Variants in C5 observed in about 807,000 individuals in gnomAD.
The protein encoded by C5 is complement C5.
C5 carries 140 observed loss-of-function variants against 218.8 expected under a neutral mutation model. That is an observed-to-expected ratio of 0.64 (90% CI 0.56 to 0.74). C5 has a LOEUF of 0.74. Among genes scored for constraint, C5 ranks in the 30% least tolerant of loss-of-function variants. C5 has a pLI of 0.00. For synonymous variants in C5, 614 were observed against 682.3 expected (o/e 0.90, Z 1.56); for missense variants, 1,700 against 1,969.6 (o/e 0.86, Z 2.59).
chr9:120,960,242 A>C lies in C5; in HGVS notation c.4678+6T>G. On this transcript the variant is annotated splice_donor_region_variant and intron_variant, in intron 38 of 40. Transcript: ENST00000223642. ...TAAAGGAGCTATATTGAACTTTTGA[A>C]CTCACCATATGCAATCTCTGGTTTA... The C allele has an allele frequency of 6.3e-7, 1 of 1,592,748 alleles. No homozygotes were observed. The highest frequency in any genetic ancestry group is 8.6e-7 in the Non-Finnish European group (1 of 1,161,080).
intron 20 of C5, among the ~76,000 whole-genome samples, chr9:121,003,421 T>C (rs943179424): frequency 6.6e-6 from 1 of 152,218 alleles, no homozygotes; most frequent in African/African-American, 2.4e-5. Flanking sequence ...TGTTACCTGA[T>C]GAAACAAGTT....
At chr9:121,070,798 G>A in the C5 span, among the ~76,000 whole-genome samples, 1 of 151,972 alleles carries the variant, frequency 6.6e-6, no homozygotes, top group Admixed American at 6.6e-5. Flanking sequence ...GGAGCAATAA[G>A]TTCTAGTGTT....
intron 7 of C5, among the ~76,000 whole-genome samples, chr9:121,029,074 T>C (rs1381330253): frequency 2.0e-5 from 3 of 152,202 alleles, no homozygotes; most frequent in African/African-American, 7.2e-5. Flanking sequence ...ATGAGATCTA[T>C]TCATAAAAAA....
the C5 span, among the ~76,000 whole-genome samples, chr9:121,065,478 T>C: frequency 1.3e-5 from 2 of 152,228 alleles, no homozygotes; most frequent in Non-Finnish European, 2.9e-5. Flanking sequence ...TTGTTTTGTT[T>C]TGAGACAGCT....
intron 4 of C5, 41 bp downstream of exon 4, chr9:121,037,840 A>C: frequency 1.1e-6 from 1 of 882,274 alleles, no homozygotes; most frequent in Non-Finnish European, 1.8e-6. Flanking sequence ...CTTGTCCTGA[A>C]AAATGAATTA....
At chr9:121,057,672 A>G in the C5 span, among the ~76,000 whole-genome samples, 35 of 152,244 alleles carry the variant, frequency 2.3e-4, no homozygotes, top group African/African-American at 8.4e-4. Flanking sequence ...ACTACTAGAG[A>G]AAATCACTTT....
At chr9:120,975,889 A>G (rs1448588711) in intron 29 of C5, among the ~76,000 whole-genome samples, 3 of 152,200 alleles carry the variant, frequency 2.0e-5, no homozygotes, top group Non-Finnish European at 4.4e-5. Context: ...AATAAACTTT[A>G]TCTTTCTGGA....
At chr9:121,070,193 A>C in the C5 span, among the ~76,000 whole-genome samples, 1 of 151,848 alleles carries the variant, frequency 6.6e-6, no homozygotes, top group East Asian at 1.9e-4. Context: ...CCCCATCTCT[A>C]CTAAAAATAC....
chr9:120,971,361 A>G (rs752740805), intron 31 of C5, among the ~76,000 whole-genome samples: 6 of 151,712 alleles, frequency 4.0e-5, no homozygotes, highest in Non-Finnish European at 8.8e-5. Context: ...GCGTATACAC[A>G]TATATAATCA....
At position 120,962,737 on chromosome 9, in the gene C5, A is replaced by C. The variant is rs1197587758; in HGVS notation, c.4438T>G (p.Phe1480Val). ...SDFLCVRFRI[F>V]ELFEVGFLSP... is the part of the protein sequence containing the mutation. ...AGAAACCCAACTTCAAAGAGTTCAA[A>C]TATCCGGAATCGTACACAAAGGAAA... is the stretch of plus-strand genomic sequence containing the variant. The change falls in exon 36 of 41, where the codon TTT becomes GTT. Residue 1480 changes from phenylalanine to valine, a missense_variant. Physicochemically the swap from Phe to Val is conservative, Grantham distance 50. Transcript: ENST00000223642. 6 of 1,614,176 alleles carry C rather than the reference A, an allele frequency of 3.7e-6. No individual in the cohort carries two copies. Among genetic ancestry groups the C allele is most frequent in the Non-Finnish European group, 5.1e-6 (6 of 1,180,004 alleles).
chr9:121,043,877 C>T (rs1389944248), intron 2 of C5, among the ~76,000 whole-genome samples: 1 of 151,942 alleles, frequency 6.6e-6, no homozygotes, highest in Non-Finnish European at 1.5e-5. Context: ...TTAGTATTAC[C>T]TCACATATTT....
rs776260501 is a variant in C5 at position 120,974,919 on chromosome 9, CATTG to C, written c.3873_3876del (p.Ile1291MetfsTer6). On this transcript the variant is annotated frameshift_variant, in exon 30 of 41. Coordinates refer to ENST00000223642, the MANE Select transcript of C5 (RefSeq NM_001735.3). LOFTEE classifies it high-confidence loss of function. ...GAATATTCCGTCAGGCCCTCAATGG[CATTG>C]ATTGTGTCCTGTCAGCAATCAGCAA... 2.5e-6 allele frequency: 4 copies of C among 1,614,060 alleles called. No homozygotes were observed. The highest frequency in any genetic ancestry group is 1.7e-5 in the Admixed American group (1 of 60,004).
chr9:121,030,141 C>T (rs1320392640), intron 7 of C5, among the ~76,000 whole-genome samples: 1 of 152,180 alleles, frequency 6.6e-6, no homozygotes, highest in Admixed American at 6.5e-5. Flanking sequence ...TTTCTAAACA[C>T]ATACACCAAA....
intron 10 of C5, among the ~76,000 whole-genome samples, chr9:121,022,036 A>G (rs1341569360): frequency 6.6e-6 from 1 of 152,204 alleles, no homozygotes; most frequent in African/African-American, 2.4e-5. Flanking sequence ...GCTTATAGAA[A>G]GATTTAATTC....
At chr9:121,048,790 T>C (rs1258297733) in intron 1 of C5, among the ~76,000 whole-genome samples, 1 of 152,132 alleles carries the variant, frequency 6.6e-6, no homozygotes. Flanking sequence ...AAGAATGTTA[T>C]TTTGGCCTCT....
At chr9:121,067,367 C>G in the C5 span, among the ~76,000 whole-genome samples, 1 of 151,726 alleles carries the variant, frequency 6.6e-6, no homozygotes, top group Non-Finnish European at 1.5e-5. Context: ...TTGAGACCAT[C>G]CTGATGAACA....
At chr9:121,056,375 C>T in the C5 span, among the ~76,000 whole-genome samples, 2 of 152,140 alleles carry the variant, frequency 1.3e-5, no homozygotes, top group African/African-American at 4.8e-5. Flanking sequence ...TGAAGAAATT[C>T]AGAATTCTAT....
chr9:121,002,308 ATGTG>A (rs71370613), intron 20 of C5, among the ~76,000 whole-genome samples: 4,099 of 66,882 alleles, frequency 0.061, 300 homozygotes, highest in African/African-American at 0.14. Context: ...GTATATATAT[ATGTG>A]TGTGTATATA....
the C5 span, chr9:121,074,831 C>T: frequency 6.6e-6 from 3 of 456,096 alleles, no homozygotes; most frequent in African/African-American, 4.0e-5. Flanking sequence ...CAAGACTCCC[C>T]GGCATCCTAG....
Sources: allele counts gnomAD v4.1 joint callset (sites outside exome capture counted in the v4.1 genomes callset), GRCh38; gene constraint gnomAD v4.1.1; transcripts MANE v1.5; gene names NCBI Gene and HGNC (gene_info 2026-07-23, HGNC 2026-07-21).